Variants in BBX observed in about 807,000 individuals in gnomAD.
The protein encoded by BBX is BBX high mobility group box domain containing.
A neutral mutation model predicts 100.2 loss-of-function variants in BBX; 30 were observed. That is an observed-to-expected ratio of 0.30 (90% CI 0.22 to 0.41). BBX has a LOEUF of 0.41. BBX is among the 10% of genes least tolerant of loss of function. BBX has a pLI of 1.00. For synonymous variants in BBX, 376 were observed against 388.1 expected, an observed-to-expected ratio of 0.97 and a Z score of 0.37; for missense variants, 1,023 against 1,129.8, an observed-to-expected ratio of 0.91 and a Z score of 1.35.
chr3:107,753,382 A>G (rs1448901269), intron 9 of BBX, among the ~76,000 whole-genome samples: 1 of 152,110 alleles, frequency 6.6e-6, no homozygotes, highest in East Asian at 1.9e-4. Context: ...TGGGCCACTA[A>G]AATATGTTGA....
intron 2 of BBX, among the ~76,000 whole-genome samples, chr3:107,562,154 ACG>A (rs1182049329): frequency 6.6e-6 from 1 of 150,622 alleles, no homozygotes; most frequent in Non-Finnish European, 1.5e-5. Context: ...GGATTCTCAC[ACG>A]TTGAAATAAA....
chr3:107,553,075 TGA>T (rs1323804274), intron 2 of BBX, among the ~76,000 whole-genome samples: 1 of 152,222 alleles, frequency 6.6e-6, no homozygotes, highest in Non-Finnish European at 1.5e-5. Flanking sequence ...CTAAATTTGC[TGA>T]GTTTGAATGG....
At chr3:107,618,786 A>C (rs1165363598) in intron 2 of BBX, among the ~76,000 whole-genome samples, 1 of 152,004 alleles carries the variant, frequency 6.6e-6, no homozygotes, top group Non-Finnish European at 1.5e-5. Flanking sequence ...TTCTTTTAAA[A>C]TTTGTTGAAG....
At chr3:107,789,147 G>A (rs2068728030) in intron 13 of BBX, among the ~76,000 whole-genome samples, 1 of 152,040 alleles carries the variant, frequency 6.6e-6, no homozygotes, top group African/African-American at 2.4e-5. Flanking sequence ...GGGGAGGTCA[G>A]TGCTGTTGCT....
At chr3:107,655,532 T>TTTG in intron 3 of BBX, among the ~76,000 whole-genome samples, 1 of 149,306 alleles carries the variant, frequency 6.7e-6, no homozygotes, top group African/African-American at 2.5e-5. Context: ...TTTTTTTTTT[T>TTTG]TTAAGAGATA....
At chr3:107,643,182 G>A (rs1032388543) in intron 2 of BBX, among the ~76,000 whole-genome samples, 1 of 152,152 alleles carries the variant, frequency 6.6e-6, no homozygotes, top group Non-Finnish European at 1.5e-5. Flanking sequence ...AGTATAAAAA[G>A]CTTTTTAAAA....
At chr3:107,537,068 A>G (rs773634250) in intron 2 of BBX, among the ~76,000 whole-genome samples, 2 of 152,152 alleles carry the variant, frequency 1.3e-5, no homozygotes, top group Non-Finnish European at 2.9e-5. Context: ...TAAAAATCAG[A>G]CTTCTAACAA....
chr3:107,532,346 G>A (rs2048218858), intron 2 of BBX, among the ~76,000 whole-genome samples: 1 of 152,064 alleles, frequency 6.6e-6, no homozygotes, highest in Non-Finnish European at 1.5e-5. Context: ...AGTCAAGAAA[G>A]GCATATCAAA....
chr3:107,778,399 A>G lies in BBX; in HGVS notation c.2083A>G (p.Lys695Glu). The G allele has an allele frequency of 6.2e-7, 1 of 1,613,440 alleles. No homozygotes were observed. The highest frequency in any genetic ancestry group is 8.5e-7 in the Non-Finnish European group (1 of 1,179,546). ...CGCAAAGCTGGATGAAGAATTTGAAAAAAAATTCAACAGCCTCCCTCAATA... is the reference window on the plus strand; with the variant it reads ...CGCAAAGCTGGATGAAGAATTTGAAGAAAAATTCAACAGCCTCCCTCAATA... ...GSAKLDEEFEKKFNSLPQYSP... is the reference protein window; with the variant it reads ...GSAKLDEEFEEKFNSLPQYSP... The change falls in exon 13 of 18, where the codon AAA becomes GAA. Residue 695 changes from lysine to glutamate, a missense_variant. Around this residue, in one of 9 missense-constraint regions of BBX, gnomAD observed 215 missense variants for 211.3 expected, o/e 1.02. Coordinates refer to ENST00000325805, the MANE Select transcript of BBX (RefSeq NM_001142568.3).
intron 2 of BBX, among the ~76,000 whole-genome samples, chr3:107,571,773 A>T (rs1337945407): frequency 1.3e-5 from 2 of 152,236 alleles, no homozygotes; most frequent in Admixed American, 1.3e-4. Context: ...AAGGCTGTTT[A>T]TTTCACCTGG....
intron 2 of BBX, among the ~76,000 whole-genome samples, chr3:107,606,673 C>T (rs1222479449): frequency 2.0e-5 from 3 of 151,400 alleles, no homozygotes; most frequent in South Asian, 2.1e-4. Context: ...TTGTGGGTAC[C>T]TTGTAGATAT....
chr3:107,810,021 G>C lies in BBX; in HGVS notation c.*4564G>C, dbSNP rs2071225776. The stretch of plus-strand genomic sequence containing the variant: ...TGGACTGCTTTACTTTCGTTTGGAA[G>C]TGATAGCTAAGTTTATTATACTCTA... On this transcript the variant is annotated 3_prime_UTR_variant, in exon 18 of 18. Coordinates refer to ENST00000325805, the MANE Select transcript of BBX (RefSeq NM_001142568.3). 1 of 152,122 alleles carries C rather than the reference G, an allele frequency of 6.6e-6. No homozygotes were observed. Among genetic ancestry groups the C allele is most frequent in the African/African-American group, 2.4e-5 (1 of 41,420 alleles). The allele number at this position is 152,122 out of a possible 1,614,324, so 9.4% of individuals were successfully genotyped here.
intron 10 of BBX, among the ~76,000 whole-genome samples, chr3:107,772,141 G>A (rs1417494174): frequency 2.0e-5 from 3 of 152,074 alleles, no homozygotes; most frequent in South Asian, 2.1e-4. Flanking sequence ...CAAGCATTTC[G>A]GATAAGGGAT....
chr3:107,627,255 C>T (rs2056247301), intron 2 of BBX, among the ~76,000 whole-genome samples: 1 of 152,126 alleles, frequency 6.6e-6, no homozygotes, highest in South Asian at 2.1e-4. Flanking sequence ...CATTGCAATA[C>T]CTGTTTGATT....
At position 107,766,875 on chromosome 3, in the gene BBX, A is replaced by G. The variant is rs536972843; in HGVS notation, c.907-5753A>G. 8.5e-5 allele frequency among the ~76,000 whole-genome samples: 13 copies of G among 152,348 alleles called. 1 individual carries two copies. The highest frequency in any genetic ancestry group is 2.9e-4 in the African/African-American group (12 of 41,584). On this transcript the variant is annotated intron_variant, in intron 10 of 17. Coordinates refer to ENST00000325805, the MANE Select transcript of BBX (RefSeq NM_001142568.3). ...ATACACCATGGAATACTATGCAGCC[A>G]TAAAAAAGAATGAGTTCATGTCCTT...
chr3:107,700,955 C>T lies in BBX; in HGVS notation c.-9-9497C>T, dbSNP rs563119293. Reference sequence around the variant, plus strand: ...ATTTATAATCCTTTGGGTATATACCCAGTAATGGGATGGCTGGGTCAAATG... The same window carrying T: ...ATTTATAATCCTTTGGGTATATACCTAGTAATGGGATGGCTGGGTCAAATG... On this transcript the variant is annotated intron_variant, in intron 3 of 17. Coordinates refer to ENST00000325805, the MANE Select transcript of BBX (RefSeq NM_001142568.3). Among the ~76,000 whole-genome samples, 3 of 151,806 alleles carry T rather than the reference C, an allele frequency of 2.0e-5. No individual in the cohort carries two copies. The East Asian group carries it at 5.8e-4, about 29-fold the overall frequency.
chr3:107,745,592 C>CT (rs2064513641), intron 8 of BBX, among the ~76,000 whole-genome samples: 1 of 151,974 alleles, frequency 6.6e-6, no homozygotes, highest in Non-Finnish European at 1.5e-5. Context: ...CTCCTGATAG[C>CT]TAGGACTGCA....
chr3:107,699,443 G>A, intron 3 of BBX, among the ~76,000 whole-genome samples: 1 of 151,862 alleles, frequency 6.6e-6, no homozygotes, highest in East Asian at 1.9e-4. Context: ...TGTGAAGGAA[G>A]GAATTTGGAA....
chr3:107,701,604 T>C (rs1180168360), intron 3 of BBX, among the ~76,000 whole-genome samples: 2 of 152,158 alleles, frequency 1.3e-5, no homozygotes, highest in African/African-American at 4.8e-5. Flanking sequence ...TAAACATAAT[T>C]CATAGCTCAC....
Sources: gnomAD v4.1 joint callset for allele counts (sites outside exome capture counted in the v4.1 genomes callset) on GRCh38, gnomAD v4.1.1 for gene constraint, gnomAD v4.1.1 regional missense constraint, MANE v1.5 for transcripts, NCBI Gene and HGNC (gene_info 2026-07-23, HGNC 2026-07-21) for gene names.